Variants in HS6ST3 observed in about 807,000 individuals in gnomAD.
The protein encoded by HS6ST3 is heparan-sulfate 6-O-sulfotransferase 3.
Under a neutral mutation model 36.7 loss-of-function variants are expected in HS6ST3, and 12 were observed. The ratio of observed to expected loss-of-function variants is 0.33; its 90% CI spans 0.21 to 0.53. HS6ST3 has a LOEUF of 0.53. Among genes scored for constraint, HS6ST3 ranks in the 20% least tolerant of loss-of-function variants. The pLI, the probability that HS6ST3 is intolerant of heterozygous loss-of-function variation, is 0.95. For synonymous variants in HS6ST3, 240 were observed against 257.5 expected, an observed-to-expected ratio of 0.93 and a Z score of 0.65; for missense variants, 584 against 640.9, an observed-to-expected ratio of 0.91 and a Z score of 0.96.
intron 1 of HS6ST3, among the ~76,000 whole-genome samples, chr13:96,173,809 G>A (rs1204667463): frequency 3.0e-5 from 4 of 133,392 alleles, no homozygotes; most frequent in South Asian, 5.2e-4. Flanking sequence ...TCCAAATTAA[G>A]CACCTTAATT....
intron 1 of HS6ST3, among the ~76,000 whole-genome samples, chr13:96,547,219 TTAGA>T (rs1483197972): frequency 1.3e-5 from 2 of 152,178 alleles, no homozygotes; most frequent in Non-Finnish European, 2.9e-5. Flanking sequence ...GAAAGAACAA[TTAGA>T]TAGTGCAGGG....
chr13:96,216,924 G>A (rs911820641), intron 1 of HS6ST3, among the ~76,000 whole-genome samples: 2 of 152,170 alleles, frequency 1.3e-5, no homozygotes, highest in Non-Finnish European at 1.5e-5. Context: ...CTTTTCTGTC[G>A]CTGCATGCCT....
chr13:96,179,528 A>C (rs1310848608), intron 1 of HS6ST3, among the ~76,000 whole-genome samples: 6 of 152,192 alleles, frequency 3.9e-5, no homozygotes, highest in African/African-American at 1.4e-4. Context: ...TGCTGGGCCC[A>C]CTGTGGGGAA....
chr13:96,455,930 C>A lies in HS6ST3; in HGVS notation c.707+364361C>A, dbSNP rs979806854. Among the ~76,000 whole-genome samples, 5 of 152,312 alleles carry A rather than the reference C, an allele frequency of 3.3e-5. No homozygotes were observed. The East Asian group carries it at 9.7e-4, about 29-fold the overall frequency. ...TGTGAAAAAATGACCGAATGTCTTT[C>A]AAAAGCTGATGGTTAAACCTAGGCC... On this transcript the variant is annotated intron_variant, in intron 1 of 1. Transcript: ENST00000376705.
At chr13:96,547,379 G>A (rs921641827) in intron 1 of HS6ST3, among the ~76,000 whole-genome samples, 1 of 152,104 alleles carries the variant, frequency 6.6e-6, no homozygotes, top group African/African-American at 2.4e-5. Flanking sequence ...CAGCCCCTCA[G>A]TCTAGTATTT....
chr13:96,824,534 G>A (rs975822453), intron 1 of HS6ST3, among the ~76,000 whole-genome samples: 10 of 152,120 alleles, frequency 6.6e-5, no homozygotes, highest in South Asian at 2.1e-4. Flanking sequence ...CTTAACTGCC[G>A]CAATACCCCT....
At chr13:96,482,647 C>T (rs757145773) in intron 1 of HS6ST3, among the ~76,000 whole-genome samples, 19 of 152,070 alleles carry the variant, frequency 1.2e-4, no homozygotes, top group Non-Finnish European at 2.1e-4. Context: ...AATGACTTTC[C>T]ATCAATTCCA....
intron 1 of HS6ST3, among the ~76,000 whole-genome samples, chr13:96,463,538 A>G (rs1301090279): frequency 1.3e-5 from 2 of 152,212 alleles, no homozygotes; most frequent in African/African-American, 4.8e-5. Flanking sequence ...ACAGGGTAGA[A>G]AAATATTTCT....
chr13:96,564,626 T>C (rs767983588), intron 1 of HS6ST3, among the ~76,000 whole-genome samples: 6 of 152,182 alleles, frequency 3.9e-5, no homozygotes, highest in Admixed American at 6.5e-5. Context: ...CTCCACGAAA[T>C]GACCTGGGCA....
chr13:96,546,455 A>G (rs1212354891), intron 1 of HS6ST3, among the ~76,000 whole-genome samples: 1 of 152,208 alleles, frequency 6.6e-6, no homozygotes, highest in Non-Finnish European at 1.5e-5. Context: ...CAGACTATAG[A>G]AAATGCATAA....
At chr13:96,404,029 G>A (rs552341283) in intron 1 of HS6ST3, among the ~76,000 whole-genome samples, 1 of 152,032 alleles carries the variant, frequency 6.6e-6, no homozygotes, top group Admixed American at 6.6e-5. Context: ...TCTTCTAATT[G>A]ATTTATTTTA....
rs184713091 is a variant in HS6ST3 at position 96,636,704 on chromosome 13, C to A, written c.708-195786C>A. On this transcript the variant is annotated intron_variant, in intron 1 of 1. Coordinates refer to ENST00000376705, the MANE Select transcript of HS6ST3 (RefSeq NM_153456.4). ...CTAGAAACTCAGAATATGGAATTGA[C>A]ATAAATCTAATGAAGTAAAAGCTCT... Among the ~76,000 whole-genome samples, 1,068 of 152,228 alleles carry A rather than the reference C, an allele frequency of 7.0e-3. 8 individuals carry two copies. Among genetic ancestry groups the A allele is most frequent in the Non-Finnish European group, 0.012 (785 of 68,010 alleles).
At chr13:96,651,995 A>G (rs1454440236) in intron 1 of HS6ST3, among the ~76,000 whole-genome samples, 2 of 152,112 alleles carry the variant, frequency 1.3e-5, no homozygotes, top group South Asian at 2.1e-4. Context: ...CATAAAGAGT[A>G]TTAATACCTG....
At chr13:96,113,870 G>A (rs1020812473) in intron 1 of HS6ST3, among the ~76,000 whole-genome samples, 1 of 152,020 alleles carries the variant, frequency 6.6e-6, no homozygotes, top group African/African-American at 2.4e-5. Flanking sequence ...TTGGAAAAGT[G>A]GAACAACTAG....
chr13:96,797,981 TG>T (rs1877954952), intron 1 of HS6ST3, among the ~76,000 whole-genome samples: 1 of 152,060 alleles, frequency 6.6e-6, no homozygotes, highest in African/African-American at 2.4e-5. Context: ...ACACTTCTGA[TG>T]CAATTCACAA....
At chr13:96,442,898 C>T (rs1048943463) in intron 1 of HS6ST3, among the ~76,000 whole-genome samples, 39 of 151,760 alleles carry the variant, frequency 2.6e-4, no homozygotes, top group Admixed American at 5.9e-4. Context: ...AATCTTGGTC[C>T]GCGCATGAAT....
At chr13:96,122,923 G>T (rs1057253736) in intron 1 of HS6ST3, among the ~76,000 whole-genome samples, 25 of 152,220 alleles carry the variant, frequency 1.6e-4, no homozygotes, top group African/African-American at 5.8e-4. Context: ...GGTTTTGTCT[G>T]TATTTTTTTT....
intron 1 of HS6ST3, among the ~76,000 whole-genome samples, chr13:96,397,198 G>C (rs1011515798): frequency 5.9e-5 from 9 of 152,092 alleles, no homozygotes; most frequent in Admixed American, 2.0e-4. Context: ...GCAAGACTCT[G>C]TCTCAAAGAA....
At chr13:96,813,472 T>C (rs1397475458) in intron 1 of HS6ST3, among the ~76,000 whole-genome samples, 2 of 152,186 alleles carry the variant, frequency 1.3e-5, no homozygotes, top group Non-Finnish European at 2.9e-5. Flanking sequence ...CTGCCTCTGA[T>C]ATGTAGGAGC....
Sources: allele counts gnomAD v4.1 joint callset (sites outside exome capture counted in the v4.1 genomes callset), GRCh38; gene constraint gnomAD v4.1.1; transcripts MANE v1.5; gene names NCBI Gene and HGNC (gene_info 2026-07-23, HGNC 2026-07-21).